RASSF2: variants seen among roughly 807,000 people sequenced by gnomAD.
The protein encoded by RASSF2 is ras association domain-containing protein 2.
A neutral mutation model predicts 46.3 loss-of-function variants in RASSF2; 34 were observed. The ratio of observed to expected loss-of-function variants is 0.73; its 90% CI spans 0.56 to 0.98. The LOEUF (loss-of-function observed/expected upper bound fraction) is 0.98, where lower values mean the gene tolerates loss of function less well. Among genes scored for constraint, RASSF2 ranks in the 50% least tolerant of loss-of-function variants. RASSF2 has a pLI of 0.00. For synonymous variants in RASSF2, 158 were observed against 162.5 expected, an observed-to-expected ratio of 0.97 and a Z score of 0.21; for missense variants, 364 against 431.2, an observed-to-expected ratio of 0.84 and a Z score of 1.38.
intron 2 of RASSF2, among the ~76,000 whole-genome samples, chr20:4,805,750 G>A (rs779678592): frequency 2.6e-5 from 4 of 152,098 alleles, no homozygotes; most frequent in African/African-American, 7.2e-5. Context: ...TAGAGAGTTC[G>A]AAGAAGAAGA....
At position 4,781,315 on chromosome 20, in the gene RASSF2, T is replaced by C. The variant is rs568530971; in HGVS notation, c.*2958A>G. 3.3e-4 allele frequency: 51 copies of C among 152,286 alleles called. No homozygotes were observed. Among genetic ancestry groups the C allele is most frequent in the African/African-American group, 1.2e-3 (50 of 41,552 alleles). 9.4% of individuals were successfully genotyped at this position (152,286 alleles called of 1,614,324 possible). A position where few individuals can be genotyped will look rare whatever the true frequency, so the allele number is the denominator to read the frequency against. On this transcript the variant is annotated 3_prime_UTR_variant, in exon 12 of 12. Transcript: ENST00000379400. ...AGGAGAGAGTACTGTTCTCTTCTGG[T>C]GAGGGAAGAGAGGATTGTGAAAATA...
intron 2 of RASSF2, among the ~76,000 whole-genome samples, chr20:4,805,024 C>A (rs940941699): frequency 1.3e-5 from 2 of 151,940 alleles, no homozygotes; most frequent in Non-Finnish European, 2.9e-5. Flanking sequence ...CGGAGCTGTG[C>A]GAGATGGGGT....
intron 8 of RASSF2, among the ~76,000 whole-genome samples, chr20:4,788,530 AGAGTGTG>A (rs1453166892): frequency 6.6e-6 from 1 of 152,220 alleles, no homozygotes; most frequent in Non-Finnish European, 1.5e-5. Context: ...CAAACATCAT[AGAGTGTG>A]CTTACAGAAA....
At chr20:4,796,030 G>T in intron 4 of RASSF2, 64 bp from the exon 5 acceptor site, 1 of 1,437,420 alleles carries the variant, frequency 7.0e-7, no homozygotes. Flanking sequence ...AGACCATGCT[G>T]AGGGACAAAT....
chr20:4,794,827 A>G (rs1046460340), intron 5 of RASSF2, among the ~76,000 whole-genome samples: 2 of 152,144 alleles, frequency 1.3e-5, no homozygotes, highest in African/African-American at 4.8e-5. Context: ...GTGGGCAACA[A>G]TTTTCCTCCT....
chr20:4,787,492 G>C (rs1441727554), intron 10 of RASSF2, 141 bp downstream of exon 10: 1 of 1,016,310 alleles, frequency 9.8e-7, no homozygotes, highest in Non-Finnish European at 1.4e-6. Context: ...GCAAAAGCTG[G>C]CTTCGAGAGA....
intron 2 of RASSF2, among the ~76,000 whole-genome samples, chr20:4,816,668 G>A (rs566018138): frequency 6.6e-6 from 1 of 152,252 alleles, no homozygotes; most frequent in East Asian, 1.9e-4. Flanking sequence ...TATTACATAT[G>A]AAAAAAGATG....
intron 2 of RASSF2, among the ~76,000 whole-genome samples, chr20:4,817,483 A>C (rs778927169): frequency 3.4e-4 from 52 of 152,288 alleles, no homozygotes; most frequent in Admixed American, 1.4e-3. Context: ...TCCTTCCAAA[A>C]ACAGCCAGGT....
chr20:4,804,353 CTTTTTTTT>C (rs10659167), intron 2 of RASSF2, among the ~76,000 whole-genome samples: 2 of 118,726 alleles, frequency 1.7e-5, no homozygotes, highest in East Asian at 2.5e-4. Flanking sequence ...AGAAAGCTTT[CTTTTTTTT>C]TTTTTTTTTT....
At chr20:4,813,758 TGTGA>T (rs1360942107) in intron 2 of RASSF2, among the ~76,000 whole-genome samples, 2 of 150,268 alleles carry the variant, frequency 1.3e-5, no homozygotes, top group Non-Finnish European at 3.0e-5. Context: ...GCTCCCGGTG[TGTGA>T]GTGAGAGTCC....
At chr20:4,821,422 C>A (rs1928681392) in intron 2 of RASSF2, among the ~76,000 whole-genome samples, 1 of 152,166 alleles carries the variant, frequency 6.6e-6, no homozygotes, top group Non-Finnish European at 1.5e-5. Context: ...GGCACACAGT[C>A]CCCTTCCCCT....
Position 4,795,822 on chromosome 20 carries a change from C to T in RASSF2, c.280G>A (p.Ala94Thr). The T allele has an allele frequency of 6.2e-7, 1 of 1,609,444 alleles. No homozygotes were observed. The highest frequency in any genetic ancestry group is 8.5e-7 in the Non-Finnish European group (1 of 1,177,348). Residue 94 changes from alanine (A) to threonine (T), a missense_variant, in exon 5 of 12, where the codon GCT becomes ACT. By Grantham distance (58) the Ala-to-Thr change is moderately conservative. Coordinates refer to ENST00000379400, the MANE Select transcript of RASSF2 (RefSeq NM_014737.3). The surrounding 1 kb of genome is among the most constrained non-coding windows in gnomAD (Gnocchi z 4.0). ...SSWHSGCNLG[A>T]QGTTLKPLTV... ...CCGTCTCTCCTCACTCACCCCTGAGCCCCCAGGTTACAGCCAGAGTGCCAG... is the reference window on the plus strand; with the variant it reads ...CCGTCTCTCCTCACTCACCCCTGAGTCCCCAGGTTACAGCCAGAGTGCCAG...
At chr20:4,797,613 A>T (rs1336045404) in intron 4 of RASSF2, among the ~76,000 whole-genome samples, 2 of 152,136 alleles carry the variant, frequency 1.3e-5, no homozygotes, top group African/African-American at 2.4e-5. Context: ...TGCTTTGCCC[A>T]GGTCACTGCA....
chr20:4,786,255 C>G lies in RASSF2; in HGVS notation c.887G>C (p.Arg296Pro). ...CTTGCGCATCAGCTTCTTTACTTCC[C>G]GATCTTCTTCCTCCTGGAGCTTCTG... ...FIQKLQEEED[R>P]EVKKLMRKYT... Residue 296 changes from arginine (R) to proline (P), a missense_variant, in exon 11 of 12, where the codon CGG becomes CCG. Physicochemically the swap from Arg to Pro is moderately radical, Grantham distance 103. Coordinates refer to ENST00000379400, the MANE Select transcript of RASSF2 (RefSeq NM_014737.3). 1 of 1,612,938 alleles carries G rather than the reference C, an allele frequency of 6.2e-7. No individual in the cohort carries two copies. Among genetic ancestry groups the G allele is most frequent in the Admixed American group, 1.7e-5 (1 of 60,014 alleles).
At chr20:4,809,379 C>A (rs1927590713) in intron 2 of RASSF2, among the ~76,000 whole-genome samples, 1 of 152,094 alleles carries the variant, frequency 6.6e-6, no homozygotes, top group Non-Finnish European at 1.5e-5. Flanking sequence ...CCCAGATTCA[C>A]ATGTTCTAGC....
intron 8 of RASSF2, among the ~76,000 whole-genome samples, chr20:4,789,391 G>A (rs1236118332): frequency 6.6e-6 from 1 of 152,168 alleles, no homozygotes; most frequent in Non-Finnish European, 1.5e-5. Flanking sequence ...TGGGGCCTGA[G>A]AATCTGAATT....
chr20:4,793,640 T>TATA (rs1403716381), intron 5 of RASSF2, among the ~76,000 whole-genome samples: 1 of 151,990 alleles, frequency 6.6e-6, no homozygotes, highest in African/African-American at 2.4e-5. Flanking sequence ...ATCCTTATTT[T>TATA]TTTTTTTTAT....
Position 4,783,907 on chromosome 20 carries a change from G to A in RASSF2, c.*366C>T, listed in dbSNP as rs958162263. 3.1e-5 allele frequency: 6 copies of A among 195,646 alleles called. No homozygotes were observed. Among genetic ancestry groups the A allele is most frequent in the South Asian group, 1.2e-4 (1 of 8,336 alleles). 12.1% of individuals were successfully genotyped at this position (195,646 alleles called of 1,614,324 possible). Reference sequence around the variant, plus strand: ...TGGCTCCTCTGATTTTCCTGCTCACGAGCAGCACATGTGCCAAGCTCACGG... The same window carrying A: ...TGGCTCCTCTGATTTTCCTGCTCACAAGCAGCACATGTGCCAAGCTCACGG... On this transcript the variant is annotated 3_prime_UTR_variant, in exon 12 of 12. Transcript: ENST00000379400.
At chr20:4,810,691 T>C (rs901036356) in intron 2 of RASSF2, among the ~76,000 whole-genome samples, 8 of 152,170 alleles carry the variant, frequency 5.3e-5, no homozygotes, top group African/African-American at 1.2e-4. Flanking sequence ...ACTTTTGTTT[T>C]TTGTTTCCTG....
Sources: allele counts gnomAD v4.1 joint callset (sites outside exome capture counted in the v4.1 genomes callset), GRCh38; gene constraint gnomAD v4.1.1; non-coding constraint Gnocchi (gnomAD v3.1); transcripts MANE v1.5; gene names NCBI Gene and HGNC (gene_info 2026-07-23, HGNC 2026-07-21).